Variants in RBM47 observed in about 807,000 individuals in gnomAD.
RBM47 encodes RNA binding motif protein 47.
A neutral mutation model predicts 47.1 loss-of-function variants in RBM47; 21 were observed. That is an observed-to-expected ratio of 0.45 (90% CI 0.32 to 0.64). The LOEUF is 0.64. Ranked by LOEUF, RBM47 falls within the 30% of genes least tolerant of loss-of-function variation. RBM47 has a pLI of 0.05. For synonymous variants in RBM47, 375 were observed against 361.7 expected (o/e 1.04, Z -0.42); for missense variants, 708 against 870.9 (o/e 0.81, Z 2.35).
intron 2 of RBM47, among the ~76,000 whole-genome samples, chr4:40,528,155 G>A (rs919999795): frequency 1.3e-5 from 2 of 152,180 alleles, no homozygotes; most frequent in African/African-American, 4.8e-5. Flanking sequence ...GCTCATGCCT[G>A]TAATCCCAGC....
intron 1 of RBM47, among the ~76,000 whole-genome samples, chr4:40,548,237 C>T (rs1202550525): frequency 6.6e-6 from 1 of 152,194 alleles, no homozygotes; most frequent in Non-Finnish European, 1.5e-5. Flanking sequence ...GACAAGAGGG[C>T]ATTTTCCAGA....
intron 1 of RBM47, among the ~76,000 whole-genome samples, chr4:40,608,335 CAACTCCCCAG>C (rs946583943): frequency 7.2e-5 from 11 of 152,250 alleles, no homozygotes; most frequent in African/African-American, 2.6e-4. Context: ...TGTTCACCTA[CAACTCCCCAG>C]AACTCAGCAG....
intron 1 of RBM47, among the ~76,000 whole-genome samples, chr4:40,573,755 A>G (rs1382000351): frequency 6.9e-6 from 1 of 145,676 alleles, no homozygotes; most frequent in Non-Finnish European, 1.5e-5. Context: ...GCAAGAAAGA[A>G]AGAGAGAGAG....
intron 1 of RBM47, among the ~76,000 whole-genome samples, chr4:40,620,290 G>A (rs1037772533): frequency 4.0e-5 from 6 of 150,534 alleles, no homozygotes; most frequent in Admixed American, 1.3e-4. Flanking sequence ...GGCGGATCAC[G>A]AGGTCAGGAG....
rs558584900 is a variant in RBM47, at chr4:40,620,047, A to G, written c.-240+9349T>C. ...CCCTGTCTCTACCAAAAATACAAAAATTTGCCAGGCCTCATAGCTCATGCC... is the reference window on the plus strand; with the variant it reads ...CCCTGTCTCTACCAAAAATACAAAAGTTTGCCAGGCCTCATAGCTCATGCC... On this transcript the variant is annotated intron_variant, in intron 1 of 6. Coordinates refer to ENST00000295971, the MANE Select transcript of RBM47 (RefSeq NM_001098634.2). Among the ~76,000 whole-genome samples, 3 of 151,426 alleles carry G rather than the reference A, an allele frequency of 2.0e-5. 1 individual carries two copies. In the South Asian group the frequency reaches 6.3e-4, roughly 32 times the overall value.
chr4:40,575,852 T>C (rs1003079696), intron 1 of RBM47, among the ~76,000 whole-genome samples: 2 of 152,348 alleles, frequency 1.3e-5, no homozygotes, highest in Non-Finnish European at 2.9e-5. Flanking sequence ...GTTTCCTCTG[T>C]GCTTGTTCTC....
At chr4:40,489,265 GAAGCC>G (rs1451659764) in intron 2 of RBM47, among the ~76,000 whole-genome samples, 6 of 152,072 alleles carry the variant, frequency 3.9e-5, no homozygotes, top group African/African-American at 1.4e-4. Context: ...TTCAGTTTAA[GAAGCC>G]AGAAAAAAGA....
At chr4:40,477,022 G>T (rs1388622124) in intron 2 of RBM47, among the ~76,000 whole-genome samples, 1 of 152,008 alleles carries the variant, frequency 6.6e-6, no homozygotes, top group Non-Finnish European at 1.5e-5. Context: ...ATCACTTGAG[G>T]TCAGAAGTTC....
At position 40,583,836 on chromosome 4, in the gene RBM47, C is replaced by T. The variant is rs189189160; in HGVS notation, c.-239-39330G>A. ...TCACGCCACTGCACTCCAGCCTGGG[C>T]GAGAGAGCGAGACTCCGTCTCAAAA... is the stretch of plus-strand genomic sequence containing the variant. On this transcript the variant is annotated intron_variant, in intron 1 of 6. Coordinates refer to ENST00000295971, the MANE Select transcript of RBM47 (RefSeq NM_001098634.2). 9.4e-3 allele frequency among the ~76,000 whole-genome samples: 1,310 copies of T among 139,580 alleles called. 17 individuals carry two copies. The highest frequency in any genetic ancestry group is 0.034 in the African/African-American group (1,256 of 37,126). The allele number at this position is 139,580 out of a possible 152,430, so 91.6% of individuals were successfully genotyped here.
rs546058274 is a variant in RBM47, at chr4:40,508,259, A to G, written c.-155+36163T>C. The stretch of plus-strand genomic sequence containing the variant: ...TCTGATGCTTAGTTTCCTCATGTAC[A>G]AAACAGCAGCAGTCACCTTCTAGGG... On this transcript the variant is annotated intron_variant, in intron 2 of 6. Transcript: ENST00000295971. Among the ~76,000 whole-genome samples the G allele has an allele frequency of 5.3e-5, 8 of 152,334 alleles. No homozygotes were observed. In the South Asian group the frequency reaches 1.7e-3, roughly 32 times the overall value.
At chr4:40,560,985 G>T (rs1730561858) in intron 1 of RBM47, among the ~76,000 whole-genome samples, 1 of 151,158 alleles carries the variant, frequency 6.6e-6, no homozygotes, top group African/African-American at 2.4e-5. Context: ...AAAAAAAGTT[G>T]CTGCTATTCC....
At chr4:40,446,970 A>T (rs1289785586) in intron 3 of RBM47, among the ~76,000 whole-genome samples, 1 of 152,144 alleles carries the variant, frequency 6.6e-6, no homozygotes, top group East Asian at 1.9e-4. Context: ...GCTGTCTGGC[A>T]GTGTGATTCT....
At chr4:40,551,105 G>T (rs559071100) in intron 1 of RBM47, among the ~76,000 whole-genome samples, 1 of 152,050 alleles carries the variant, frequency 6.6e-6, no homozygotes, top group Non-Finnish European at 1.5e-5. Context: ...AGCCCAGCCT[G>T]CCCACAAATA....
At chr4:40,436,733 C>A in intron 4 of RBM47, 86 bp from the exon 5 acceptor site, 1 of 1,288,310 alleles carries the variant, frequency 7.8e-7, no homozygotes, top group Non-Finnish European at 1.1e-6. Flanking sequence ...CGGCATTTAA[C>A]TGCCCCAGTC....
intron 3 of RBM47, among the ~76,000 whole-genome samples, chr4:40,461,503 T>A (rs1717134303): frequency 6.6e-6 from 1 of 152,174 alleles, no homozygotes; most frequent in African/African-American, 2.4e-5. Context: ...AAATCCCTTT[T>A]TATGGCAAAG....
chr4:40,571,951 A>T (rs1731760032), intron 1 of RBM47, among the ~76,000 whole-genome samples: 1 of 151,448 alleles, frequency 6.6e-6, no homozygotes, highest in Non-Finnish European at 1.5e-5. Context: ...TGAACTCGGG[A>T]GGCGGAGGTT....
intron 2 of RBM47, among the ~76,000 whole-genome samples, chr4:40,505,474 TAAA>T (rs75559123): frequency 4.7e-5 from 5 of 106,038 alleles, no homozygotes; most frequent in Admixed American, 2.1e-4. Context: ...AGACTTCATC[TAAA>T]AAAAAAAAAA....
rs182512403 is a variant in RBM47, at chr4:40,607,311, T to G, written c.-240+22085A>C. Among the ~76,000 whole-genome samples the G allele has an allele frequency of 1.7e-3, 254 of 152,324 alleles. 1 individual carries two copies. The highest frequency in any genetic ancestry group is 0.012 in the South Asian group (58 of 4,830). On this transcript the variant is annotated intron_variant, in intron 1 of 6. Coordinates refer to ENST00000295971, the MANE Select transcript of RBM47 (RefSeq NM_001098634.2). ...TGTGAGATGTCCAGACAGGCAAATC[T>G]ATAGTCAAAAAGTTGATTACTGGTT...
chr4:40,471,692 T>G lies in RBM47; in HGVS notation c.-154-4993A>C, dbSNP rs866049385. Among the ~76,000 whole-genome samples the G allele has an allele frequency of 3.6e-3, 414 of 116,026 alleles. 2 individuals carry two copies. Among genetic ancestry groups the G allele is most frequent in the African/African-American group, 0.012 (397 of 33,238 alleles). 76.1% of individuals were successfully genotyped at this position (116,026 alleles called of 152,430 possible). Reference sequence around the variant, plus strand: ...TGGGTGACAAGAGCAAAACTCCACCTCAAAAAAAAAAAAAAAGGAAGCGTT... The same window carrying G: ...TGGGTGACAAGAGCAAAACTCCACCGCAAAAAAAAAAAAAAAGGAAGCGTT... On this transcript the variant is annotated intron_variant, in intron 2 of 6. Coordinates refer to ENST00000295971, the MANE Select transcript of RBM47 (RefSeq NM_001098634.2).
Sources: allele counts gnomAD v4.1 joint callset (sites outside exome capture counted in the v4.1 genomes callset), GRCh38; gene constraint gnomAD v4.1.1; transcripts MANE v1.5; gene names NCBI Gene and HGNC (gene_info 2026-07-23, HGNC 2026-07-21).